ERLIN2: variants seen among roughly 807,000 people sequenced by gnomAD.
The protein encoded by ERLIN2 is ER lipid raft associated 2, also known as erlin-2.
In ERLIN2, 22 loss-of-function variants were observed where a neutral mutation model predicts 41.5. The ratio of observed to expected loss-of-function variants is 0.53; its 90% CI spans 0.38 to 0.76. ERLIN2 has a LOEUF of 0.76. ERLIN2 is among the 30% of genes least tolerant of loss of function. ERLIN2 has a pLI of 0.00. For missense variants in ERLIN2, 247 were observed against 414.3 expected (o/e 0.60, Z 3.51); for synonymous variants, 149 against 150.9 (o/e 0.99, Z 0.09).
Position 37,755,017 on chromosome 8 carries a change from G to A in ERLIN2, c.*902G>A, listed in dbSNP as rs1055695009. ...CGAGATGAAGTGTCTTTCTATTATTGTAGAGATTCTGTAGTGAAGAGGTCT... is the reference window on the plus strand; with the variant it reads ...CGAGATGAAGTGTCTTTCTATTATTATAGAGATTCTGTAGTGAAGAGGTCT... On this transcript the variant is annotated 3_prime_UTR_variant, in exon 12 of 12. Coordinates refer to ENST00000519638, the MANE Select transcript of ERLIN2 (RefSeq NM_007175.8). 1.3e-5 allele frequency: 2 copies of A among 152,292 alleles called. No individual in the cohort carries two copies. Among genetic ancestry groups the A allele is most frequent in the Non-Finnish European group, 2.9e-5 (2 of 68,126 alleles). The allele number at this position is 152,292 out of a possible 1,614,324, so 9.4% of individuals were successfully genotyped here. A position where few individuals can be genotyped will look rare whatever the true frequency, so the allele number is the denominator to read the frequency against.
intron 2 of ERLIN2, 71 bp from the exon 3 acceptor site, chr8:37,740,294 C>A: frequency 9.8e-7 from 1 of 1,020,844 alleles, no homozygotes; most frequent in Non-Finnish European, 1.6e-6. Flanking sequence ...GAAAGTTGAC[C>A]CTCATGATAT....
intron 6 of ERLIN2, chr8:37,745,383 T>A: frequency 1.6e-6 from 1 of 630,318 alleles, no homozygotes; most frequent in Non-Finnish European, 2.8e-6. Context: ...ATATGTTTTG[T>A]CCTTTTTACC....
intron 11 of ERLIN2, 37 bp from the exon 12 acceptor site, chr8:37,753,877 TC>T: frequency 6.3e-7 from 1 of 1,579,166 alleles, no homozygotes; most frequent in South Asian, 1.1e-5. Context: ...CTAATATGGT[TC>T]AACATAAGTC....
chr8:37,742,915 T>C (rs1802903626), intron 4 of ERLIN2, among the ~76,000 whole-genome samples: 7 of 152,138 alleles, frequency 4.6e-5, no homozygotes, highest in Admixed American at 4.6e-4. Flanking sequence ...AGAAGATAAC[T>C]TGCATAACTA....
At chr8:37,751,765 T>G (rs1803223525) in intron 10 of ERLIN2, 50 bp downstream of exon 10, 1 of 1,430,330 alleles carries the variant, frequency 7.0e-7, no homozygotes, top group Admixed American at 1.7e-5. Flanking sequence ...CCCCGCCCTG[T>G]GGCCAGTGGG....
intron 6 of ERLIN2, chr8:37,746,635 G>A (rs560713616): frequency 4.5e-4 from 265 of 592,106 alleles, no homozygotes; most frequent in Non-Finnish European, 5.5e-4. Flanking sequence ...CTAGCTGCCC[G>A]ACTAGAGGGC....
chr8:37,747,930 C>T (rs1320798731), intron 6 of ERLIN2: 1 of 1,614,088 alleles, frequency 6.2e-7, no homozygotes, highest in East Asian at 2.2e-5. Context: ...CATGGAGGGG[C>T]TTCTCGCCGT....
At position 37,757,119 on chromosome 8, in the gene ERLIN2, A is replaced by G. The variant is rs2129742122; in HGVS notation, c.*3004A>G. The G allele has an allele frequency of 6.6e-6, 1 of 152,366 alleles. No homozygotes were observed. Among genetic ancestry groups the G allele is most frequent in the South Asian group, 2.1e-4 (1 of 4,832 alleles). 9.4% of individuals were successfully genotyped at this position (152,366 alleles called of 1,614,324 possible). A position where few individuals can be genotyped will look rare whatever the true frequency, so the allele number is the denominator to read the frequency against. ...AAAAGGAGCTGTTTTATAAATGATC[A>G]TTCACTGTTCCTATGGTTCTATGTA... On this transcript the variant is annotated 3_prime_UTR_variant, in exon 12 of 12. Transcript: ENST00000519638.
intron 6 of ERLIN2, chr8:37,745,542 C>G (rs1359119126): frequency 6.2e-7 from 1 of 1,611,392 alleles, no homozygotes; most frequent in East Asian, 2.2e-5. Context: ...AATTTTTAAC[C>G]AATAGTATAA....
chr8:37,745,725 C>CT (rs1403009844), intron 6 of ERLIN2: 1 of 1,553,258 alleles, frequency 6.4e-7, no homozygotes, highest in East Asian at 2.4e-5. Context: ...ATCCAAATTA[C>CT]TTTTAATGTT....
Position 37,737,893 on chromosome 8 carries a change from G to C in ERLIN2, c.-15-15G>C. On this transcript the variant is annotated splice_polypyrimidine_tract_variant and intron_variant, in intron 1 of 11. Coordinates refer to ENST00000519638, the MANE Select transcript of ERLIN2 (RefSeq NM_007175.8). ...CACGTTGGACCACACACATTTTCCC[G>C]TGTCTTTTCCCTAGGATAAAGGCTC... is the stretch of plus-strand genomic sequence containing the variant. 6.2e-7 allele frequency: 1 copy of C among 1,613,724 alleles called. No individual in the cohort carries two copies. The highest frequency in any genetic ancestry group is 1.1e-5 in the South Asian group (1 of 91,062).
intron 6 of ERLIN2, among the ~76,000 whole-genome samples, chr8:37,748,403 A>G (rs759353849): frequency 2.0e-5 from 3 of 152,174 alleles, no homozygotes; most frequent in Non-Finnish European, 4.4e-5. Context: ...TGCCGACTTG[A>G]TGGCATTTCT....
chr8:37,748,093 C>T (rs1803119135), intron 6 of ERLIN2: 5 of 957,892 alleles, frequency 5.2e-6, no homozygotes, highest in Non-Finnish European at 8.4e-6. Flanking sequence ...CTTTTCCCTG[C>T]GGCTACCTTA....
intron 11 of ERLIN2, 64 bp from the exon 12 acceptor site, chr8:37,753,851 C>T (rs941609095): frequency 2.2e-6 from 3 of 1,393,530 alleles, no homozygotes; most frequent in Non-Finnish European, 3.0e-6. Flanking sequence ...TGAAGGGGCA[C>T]CACTCCCCTC....
Position 37,742,071 on chromosome 8 carries a change from CGGT to C in ERLIN2, c.236+256_236+258del, listed in dbSNP as rs796980061. Among the ~76,000 whole-genome samples the C allele has an allele frequency of 3.9e-5, 6 of 152,036 alleles. 1 individual carries two copies. Among genetic ancestry groups the C allele is most frequent in the African/African-American group, 1.4e-4 (6 of 41,470 alleles). Reference sequence around the variant, plus strand: ...ATTAGAAGTGAGGATCGGCCGGGCGCGGTGGCTCACACCTGTAATCCCAGCACT... The same window carrying C: ...ATTAGAAGTGAGGATCGGCCGGGCGCGGCTCACACCTGTAATCCCAGCACT... On this transcript the variant is annotated intron_variant, in intron 4 of 11. Coordinates refer to ENST00000519638, the MANE Select transcript of ERLIN2 (RefSeq NM_007175.8).
intron 2 of ERLIN2, among the ~76,000 whole-genome samples, chr8:37,738,356 T>C (rs1412592151): frequency 6.6e-6 from 1 of 151,964 alleles, no homozygotes; most frequent in Non-Finnish European, 1.5e-5. Context: ...TCTCCTACAT[T>C]CCTCTGGCAG....
intron 6 of ERLIN2, among the ~76,000 whole-genome samples, chr8:37,748,490 G>A (rs1803130369): frequency 1.3e-5 from 2 of 152,144 alleles, no homozygotes; most frequent in South Asian, 2.1e-4. Flanking sequence ...TGATACTACT[G>A]TCTTAAAATC....
chr8:37,748,028 A>G (rs746072840), intron 6 of ERLIN2: 4 of 1,595,954 alleles, frequency 2.5e-6, no homozygotes, highest in South Asian at 2.2e-5. Context: ...AACCTGAAAA[A>G]CTCTACGCAA....
At chr8:37,747,237 C>T in intron 6 of ERLIN2, 1 of 734,306 alleles carries the variant, frequency 1.4e-6, no homozygotes, top group Non-Finnish European at 2.5e-6. Context: ...AAGCCTTCTG[C>T]TGGGATATAA....
Sources: allele counts gnomAD v4.1 joint callset (sites outside exome capture counted in the v4.1 genomes callset), GRCh38; gene constraint gnomAD v4.1.1; transcripts MANE v1.5; gene names NCBI Gene and HGNC (gene_info 2026-07-23, HGNC 2026-07-21).